Variants in SYT1 observed in about 807,000 individuals in gnomAD.
SYT1 encodes the protein synaptotagmin 1, also known as synaptotagmin-1.
A neutral mutation model predicts 44.8 loss-of-function variants in SYT1; 8 were observed. That is an observed-to-expected ratio of 0.18 (90% CI 0.10 to 0.32). The LOEUF (loss-of-function observed/expected upper bound fraction) is 0.32, where lower values mean the gene tolerates loss of function less well. SYT1 is among the 10% of genes least tolerant of loss of function. SYT1 has a pLI of 1.00. For synonymous variants in SYT1, 154 were observed against 188.8 expected (o/e 0.82, Z 1.51); for missense variants, 286 against 509.3 (o/e 0.56, Z 4.22).
rs1871032804 is a variant in SYT1 at position 79,451,109 on chromosome 12, C to CTGTT, written c.*1987_*1990dup. ...TGGTAGGCTTTGAACATGGGGTTGG[C>CTGTT]TGTTTCCCAGTAAAACTGGAATTCC... On this transcript the variant is annotated 3_prime_UTR_variant, in exon 11 of 11. Coordinates refer to ENST00000261205, the MANE Select transcript of SYT1 (RefSeq NM_005639.3). 6.6e-6 allele frequency: 1 copy of CTGTT among 152,204 alleles called. No homozygotes were observed. Among genetic ancestry groups the CTGTT allele is most frequent in the East Asian group, 1.9e-4 (1 of 5,194 alleles). 9.4% of individuals were successfully genotyped at this position (152,204 alleles called of 1,614,324 possible).
chr12:79,339,569 G>C (rs2139041865), intron 8 of SYT1, among the ~76,000 whole-genome samples: 1 of 149,180 alleles, frequency 6.7e-6, no homozygotes, highest in Middle Eastern at 3.4e-3. Flanking sequence ...CTGGAAATTA[G>C]CCCTTTGTCA....
chr12:78,911,695 T>C (rs1876337830), intron 1 of SYT1, among the ~76,000 whole-genome samples: 1 of 151,854 alleles, frequency 6.6e-6, no homozygotes, highest in African/African-American at 2.4e-5. Context: ...GTCAACACAA[T>C]GGTGTGGGGT....
intron 3 of SYT1, among the ~76,000 whole-genome samples, chr12:79,051,027 A>G (rs1033047261): frequency 2.0e-5 from 3 of 151,824 alleles, no homozygotes; most frequent in Non-Finnish European, 4.4e-5. Flanking sequence ...CTAAGCTCTT[A>G]TATCTAGTGA....
At chr12:79,316,635 C>A (rs763804860) in intron 8 of SYT1, among the ~76,000 whole-genome samples, 1 of 152,160 alleles carries the variant, frequency 6.6e-6, no homozygotes, top group Non-Finnish European at 1.5e-5. Context: ...CTAGCCTCCA[C>A]GATGATGCTC....
chr12:79,138,076 TAATA>T (rs987391113), intron 3 of SYT1, among the ~76,000 whole-genome samples: 1 of 152,200 alleles, frequency 6.6e-6, no homozygotes, highest in African/African-American at 2.4e-5. Context: ...CATAAATAAT[TAATA>T]TTGATTTCCC....
chr12:79,107,937 C>T (rs929214664), intron 3 of SYT1, among the ~76,000 whole-genome samples: 1 of 151,904 alleles, frequency 6.6e-6, no homozygotes, highest in Non-Finnish European at 1.5e-5. Context: ...AGATGGGCTA[C>T]TGGATGGAAA....
intron 2 of SYT1, among the ~76,000 whole-genome samples, chr12:78,993,931 G>C (rs1161506281): frequency 2.0e-5 from 3 of 152,148 alleles, no homozygotes; most frequent in Non-Finnish European, 2.9e-5. Flanking sequence ...GGTAAAGAAA[G>C]AATAAAGCTG....
chr12:79,392,342 C>T (rs1007289610), intron 9 of SYT1: 11 of 152,032 alleles, frequency 7.2e-5, no homozygotes, highest in Admixed American at 6.6e-5. Flanking sequence ...ATAGGAAAAA[C>T]AAGTAATGAT....
intron 9 of SYT1, among the ~76,000 whole-genome samples, chr12:79,416,468 G>A (rs1052378331): frequency 1.3e-5 from 2 of 152,112 alleles, no homozygotes; most frequent in African/African-American, 4.8e-5. Context: ...TCTAAATAGA[G>A]TTTAGGTTTA....
At position 79,319,837 on chromosome 12, in the gene SYT1, C is replaced by T. The variant is rs868751326; in HGVS notation, c.810+20286C>T. ...ACAATAGTGCAAGTTCCTGGAAAAACGCAATAATGTCTTCCATCTCTTTCA... is the reference window on the plus strand; with the variant it reads ...ACAATAGTGCAAGTTCCTGGAAAAATGCAATAATGTCTTCCATCTCTTTCA... On this transcript the variant is annotated intron_variant, in intron 8 of 10. Transcript: ENST00000261205. 1.2e-4 allele frequency among the ~76,000 whole-genome samples: 19 copies of T among 152,302 alleles called. 1 individual carries two copies. In the Middle Eastern group the frequency reaches 0.014, roughly 109 times the overall value.
chr12:79,368,059 C>A, intron 9 of SYT1, among the ~76,000 whole-genome samples: 1 of 124,660 alleles, frequency 8.0e-6, no homozygotes, highest in African/African-American at 3.0e-5. Context: ...CCCCCCACCC[C>A]ACAACAGTCC....
At chr12:78,924,810 A>G (rs1355620941) in intron 1 of SYT1, among the ~76,000 whole-genome samples, 1 of 151,250 alleles carries the variant, frequency 6.6e-6, no homozygotes. Flanking sequence ...GAGGTTTCAT[A>G]ATGATTTTCT....
intron 3 of SYT1, among the ~76,000 whole-genome samples, chr12:79,097,740 A>C (rs1328795407): frequency 6.6e-6 from 1 of 152,056 alleles, no homozygotes; most frequent in African/African-American, 2.4e-5. Context: ...AATAGTAGTA[A>C]AACTATAACA....
chr12:79,370,954 A>G (rs1451891022), intron 9 of SYT1, among the ~76,000 whole-genome samples: 2 of 152,104 alleles, frequency 1.3e-5, no homozygotes, highest in Non-Finnish European at 2.9e-5. Context: ...GAGCACATCT[A>G]TTAAAGACAA....
chr12:79,310,049 T>G (rs1009089035), intron 8 of SYT1, among the ~76,000 whole-genome samples: 1 of 152,210 alleles, frequency 6.6e-6, no homozygotes, highest in African/African-American at 2.4e-5. Context: ...TTTTGGCTTT[T>G]GTTGCCATTG....
chr12:79,308,852 A>T (rs1440393077), intron 8 of SYT1, among the ~76,000 whole-genome samples: 1 of 152,240 alleles, frequency 6.6e-6, no homozygotes, highest in Non-Finnish European at 1.5e-5. Context: ...GCACATACAC[A>T]ACAGTAAACG....
intron 3 of SYT1, among the ~76,000 whole-genome samples, chr12:79,206,112 T>C (rs541164854): frequency 6.6e-6 from 1 of 152,204 alleles, no homozygotes; most frequent in Non-Finnish European, 1.5e-5. Flanking sequence ...TTTAGACAGA[T>C]TTCATTTTGT....
rs1170016597 is a variant in SYT1 at position 79,014,139 on chromosome 12, GAAAAAAAAAAA to G, written c.-83-33154_-83-33144del. On this transcript the variant is annotated intron_variant, in intron 2 of 10. Transcript: ENST00000261205. The stretch of plus-strand genomic sequence containing the variant: ...ACTCTCTCCAAAAAAAAAAAAAAAA[GAAAAAAAAAAA>G]AAAGAAAGAAAAAGGAAAAGAAAAT... Among the ~76,000 whole-genome samples, 6 of 90,392 alleles carry G rather than the reference GAAAAAAAAAAA, an allele frequency of 6.6e-5. No homozygotes were observed. The Admixed American group carries it at 7.1e-4, about 11-fold the overall frequency. 59.3% of individuals were successfully genotyped at this position (90,392 alleles called of 152,430 possible). A position where few individuals can be genotyped will look rare whatever the true frequency, so the allele number is the denominator to read the frequency against.
rs1164991159 is a variant in SYT1, at chr12:79,308,630, A to G, written c.810+9079A>G. On this transcript the variant is annotated intron_variant, in intron 8 of 10. Transcript: ENST00000261205. The stretch of plus-strand genomic sequence containing the variant: ...AGAAAGAAAAAGAAAGAAAGAAAGA[A>G]AGAAAGAAAGAAAGAAAGAAAGAAA... 2.7e-5 allele frequency among the ~76,000 whole-genome samples: 4 copies of G among 146,888 alleles called. No individual in the cohort carries two copies. The East Asian group carries it at 7.9e-4, about 29-fold the overall frequency.
Sources: gnomAD v4.1 joint callset for allele counts (sites outside exome capture counted in the v4.1 genomes callset) on GRCh38, gnomAD v4.1.1 for gene constraint, MANE v1.5 for transcripts, NCBI Gene and HGNC (gene_info 2026-07-23, HGNC 2026-07-21) for gene names.